Variants in SYT17 observed in about 807,000 individuals in gnomAD.
SYT17 encodes the protein synaptotagmin-17.
A neutral mutation model predicts 46.7 loss-of-function variants in SYT17; 22 were observed. The ratio of observed to expected loss-of-function variants is 0.47; its 90% CI spans 0.34 to 0.67. SYT17 has a LOEUF of 0.67. Ranked by LOEUF, SYT17 falls within the 30% of genes least tolerant of loss-of-function variation. The pLI is 0.01. For synonymous variants in SYT17, 251 were observed against 248.4 expected, an observed-to-expected ratio of 1.01 and a Z score of -0.10; for missense variants, 519 against 612.8, an observed-to-expected ratio of 0.85 and a Z score of 1.62.
At chr16:19,263,213 C>G (rs1969110336) in intron 7 of SYT17, among the ~76,000 whole-genome samples, 1 of 152,036 alleles carries the variant, frequency 6.6e-6, no homozygotes, top group Non-Finnish European at 1.5e-5. Flanking sequence ...AAAAAGGAGC[C>G]CTGTGCCAAT....
At chr16:19,265,047 G>A (rs949735588) in intron 7 of SYT17, among the ~76,000 whole-genome samples, 2 of 152,170 alleles carry the variant, frequency 1.3e-5, no homozygotes, top group African/African-American at 4.8e-5. Flanking sequence ...GCCTGAAGTG[G>A]TCTCATAATA....
In SYT17 at chr16:19,251,967, T is replaced by A. The variant is rs141656126; in HGVS notation, c.1229-14913T>A. On this transcript the variant is annotated intron_variant, in intron 7 of 7. Coordinates refer to ENST00000355377, the MANE Select transcript of SYT17 (RefSeq NM_016524.4). ...GCTCACACCTGTAATCCCAGCACTT[T>A]GGGAGGCCGAGGCAGGCAGATCATT... Among the ~76,000 whole-genome samples, 787 of 152,150 alleles carry A rather than the reference T, an allele frequency of 5.2e-3. 6 individuals carry two copies. Among genetic ancestry groups the A allele is most frequent in the African/African-American group, 0.018 (740 of 41,506 alleles).
In SYT17 at chr16:19,213,495, C is replaced by T. The variant is rs1475564696; in HGVS notation, c.952-9550C>T. 2.0e-5 allele frequency among the ~76,000 whole-genome samples: 3 copies of T among 152,124 alleles called. No individual in the cohort carries two copies. The South Asian group carries it at 6.2e-4, about 32-fold the overall frequency. ...TTACTGAAACCAAGACAGGGAGGTA[C>T]AGAGAGCAAGGAAGTTTGGCCTTAA... On this transcript the variant is annotated intron_variant, in intron 5 of 7. Transcript: ENST00000355377.
intron 7 of SYT17, among the ~76,000 whole-genome samples, chr16:19,235,068 G>A (rs950265039): frequency 6.6e-6 from 1 of 152,188 alleles, no homozygotes; most frequent in African/African-American, 2.4e-5. Context: ...AGACCTGGCA[G>A]TAGGCACTCA....
At chr16:19,257,706 G>A (rs1055525613) in intron 7 of SYT17, among the ~76,000 whole-genome samples, 2 of 152,160 alleles carry the variant, frequency 1.3e-5, no homozygotes, top group African/African-American at 4.8e-5. Flanking sequence ...TGCTGGCTTT[G>A]TGCATTTTTT....
intron 7 of SYT17, among the ~76,000 whole-genome samples, chr16:19,246,964 C>G (rs1003157142): frequency 6.6e-6 from 1 of 152,056 alleles, no homozygotes; most frequent in Non-Finnish European, 1.5e-5. Context: ...AAAACGGAAG[C>G]AGAGAAAGGG....
At chr16:19,223,479 T>C (rs143984706) in intron 6 of SYT17, among the ~76,000 whole-genome samples, 36 of 152,360 alleles carry the variant, frequency 2.4e-4, no homozygotes, top group African/African-American at 8.2e-4. Context: ...TCAATGAGCG[T>C]GGAGGACACA....
chr16:19,177,995 A>G lies in SYT17; in HGVS notation c.183-2396A>G, dbSNP rs146771422. On this transcript the variant is annotated intron_variant, in intron 3 of 7. Transcript: ENST00000355377. The stretch of plus-strand genomic sequence containing the variant: ...GGTTCTGCCTTTTAACAGTGGTGCA[A>G]ATTAGTTATTCATCCTTCTCCCAAC... 2.8e-3 allele frequency among the ~76,000 whole-genome samples: 420 copies of G among 152,220 alleles called. 2 individuals carry two copies. Among genetic ancestry groups the G allele is most frequent in the Non-Finnish European group, 3.9e-3 (265 of 68,018 alleles).
At chr16:19,213,393 T>C (rs1277717505) in intron 5 of SYT17, among the ~76,000 whole-genome samples, 1 of 152,188 alleles carries the variant, frequency 6.6e-6, no homozygotes, top group Admixed American at 6.5e-5. Flanking sequence ...TGGGAAGAGC[T>C]GCTGTGATGG....
At position 19,267,172 on chromosome 16, in the gene SYT17, A is replaced by G; in HGVS notation, c.*96A>G. On this transcript the variant is annotated 3_prime_UTR_variant, in exon 8 of 8. Coordinates refer to ENST00000355377, the MANE Select transcript of SYT17 (RefSeq NM_016524.4). ...CTATTACATCCACACCTGCATACAC[A>G]CTCGCAACATGTCTACACACGTCCA... 1 of 1,107,890 alleles carries G rather than the reference A, an allele frequency of 9.0e-7. No homozygotes were observed. The highest frequency in any genetic ancestry group is 1.7e-5 in the South Asian group (1 of 58,620). 68.6% of individuals were successfully genotyped at this position (1,107,890 alleles called of 1,614,324 possible). A position where few individuals can be genotyped will look rare whatever the true frequency, so the allele number is the denominator to read the frequency against.
intron 7 of SYT17, among the ~76,000 whole-genome samples, chr16:19,246,082 T>G (rs1376996994): frequency 6.6e-6 from 1 of 151,892 alleles, no homozygotes; most frequent in Non-Finnish European, 1.5e-5. Context: ...CTTGGCTCAC[T>G]GCAACCTCTG....
chr16:19,220,181 CAGAAATGGACAG>C (rs1445039078), intron 5 of SYT17, among the ~76,000 whole-genome samples: 1 of 151,920 alleles, frequency 6.6e-6, no homozygotes, highest in African/African-American at 2.4e-5. Context: ...TGTAAAGGGG[CAGAAATGGACAG>C]ATGAGGTATG....
At position 19,266,942 on chromosome 16, in the gene SYT17, T is replaced by G. The variant is rs749186676; in HGVS notation, c.1291T>G (p.Ser431Ala). 3.1e-6 allele frequency: 5 copies of G among 1,613,526 alleles called. No individual in the cohort carries two copies. In the Admixed American group the frequency reaches 6.7e-5, roughly 22 times the overall value. The change falls in exon 8 of 8, where the codon TCT becomes GCT. Residue 431 changes from serine (S) to alanine (A), a missense_variant. By Grantham distance (99) the Ser-to-Ala change is moderately conservative. Transcript: ENST00000355377. Reference sequence around the variant, plus strand: ...CGGGAGGATCGTCATTGGCCAGTACTCTTCAGGCCCCTCTGAGACCAACCA... The same window carrying G: ...CGGGAGGATCGTCATTGGCCAGTACGCTTCAGGCCCCTCTGAGACCAACCA... Reference protein sequence around the residue: ...FIGRIVIGQYSSGPSETNHWR... With the variant: ...FIGRIVIGQYASGPSETNHWR...
At chr16:19,174,253 C>T (rs932534029) in intron 3 of SYT17, among the ~76,000 whole-genome samples, 5 of 152,312 alleles carry the variant, frequency 3.3e-5, no homozygotes, top group Admixed American at 1.3e-4. Context: ...ATTTTGGGAA[C>T]GCAGTTTTGA....
chr16:19,183,771 C>T lies in SYT17; in HGVS notation c.575C>T (p.Thr192Ile). ...KYQLGMLHFS[T>I]QYDLLHNHLT... ...CAGCTGGGCATGCTGCACTTCAGCA[C>T]TCAGTACGACCTGCTGCACAACCAC... Residue 192 changes from threonine to isoleucine, a missense_variant, in exon 5 of 8, where the codon ACT becomes ATT. Physicochemically the swap from Thr to Ile is moderately conservative, Grantham distance 89. Transcript: ENST00000355377. This position sits in a 1 kb window ranked among gnomAD's most constrained non-coding sequence, Gnocchi z 5.6. The T allele has an allele frequency of 6.2e-7, 1 of 1,614,236 alleles. No individual in the cohort carries two copies. The highest frequency in any genetic ancestry group is 8.5e-7 in the Non-Finnish European group (1 of 1,180,048).
chr16:19,195,675 A>G (rs368657852), intron 5 of SYT17, among the ~76,000 whole-genome samples: 171 of 152,212 alleles, frequency 1.1e-3, no homozygotes, highest in African/African-American at 3.9e-3. Flanking sequence ...AGCTGAGATC[A>G]CACCACTGCA....
chr16:19,172,493 A>G lies in SYT17; in HGVS notation c.16-267A>G. Reference sequence around the variant, plus strand: ...TGATTCATAACAGCATACGGTGCAAATCAAATCGAAATGCTAAAGTTTCCC... The same window carrying G: ...TGATTCATAACAGCATACGGTGCAAGTCAAATCGAAATGCTAAAGTTTCCC... On this transcript the variant is annotated intron_variant, in intron 1 of 7. Transcript: ENST00000355377. 4 of 1,481,314 alleles carry G rather than the reference A, an allele frequency of 2.7e-6. No homozygotes were observed. In the South Asian group the frequency reaches 4.1e-5, roughly 15 times the overall value. The allele number at this position is 1,481,314 out of a possible 1,614,324, so 91.8% of individuals were successfully genotyped here. A position where few individuals can be genotyped will look rare whatever the true frequency, so the allele number is the denominator to read the frequency against.
At chr16:19,174,036 G>C (rs1964215455) in intron 3 of SYT17, among the ~76,000 whole-genome samples, 2 of 152,208 alleles carry the variant, frequency 1.3e-5, no homozygotes, top group African/African-American at 4.8e-5. Context: ...AATATCCATT[G>C]CATGGATGGG....
chr16:19,247,475 T>C (rs1967665123), intron 7 of SYT17, among the ~76,000 whole-genome samples: 1 of 152,224 alleles, frequency 6.6e-6, no homozygotes, highest in Admixed American at 6.5e-5. Flanking sequence ...GCAACCCTCC[T>C]GTCCCGGCCT....
Sources: allele counts gnomAD v4.1 joint callset (sites outside exome capture counted in the v4.1 genomes callset), GRCh38; gene constraint gnomAD v4.1.1; non-coding constraint Gnocchi (gnomAD v3.1); transcripts MANE v1.5; gene names NCBI Gene and HGNC (gene_info 2026-07-23, HGNC 2026-07-21).